The following MAEA variants were observed in gnomAD, a reference collection of about 807,000 sequenced individuals.
MAEA encodes the protein E3 ubiquitin-protein transferase MAEA.
A neutral mutation model predicts 46.2 loss-of-function variants in MAEA; 22 were observed. That is an observed-to-expected ratio of 0.48 (90% confidence interval 0.34 to 0.68). MAEA has a LOEUF of 0.68. Ranked by LOEUF, MAEA falls within the 30% of genes least tolerant of loss-of-function variation. The pLI is 0.01. For synonymous variants in MAEA, 246 were observed against 222.6 expected (o/e 1.11, Z -0.94); for missense variants, 393 against 558.1 (o/e 0.70, Z 2.98).
At position 1,320,420 on chromosome 4, in the gene MAEA, G is replaced by T. The variant is rs1247957289; in HGVS notation, c.457-1961G>T. 6.1e-5 allele frequency among the ~76,000 whole-genome samples: 9 copies of T among 148,128 alleles called. No individual in the cohort carries two copies. The East Asian group carries it at 1.8e-3, about 30-fold the overall frequency. On this transcript the variant is annotated intron_variant, in intron 3 of 8. Coordinates refer to ENST00000303400, the MANE Select transcript of MAEA (RefSeq NM_001017405.3). ...CAACATGCAGGAAAACGCTGTGAAG[G>T]GGCTTTAGAAAGAAATTATCAAAGC... is the stretch of plus-strand genomic sequence containing the variant.
At chr4:1,318,734 G>C (rs1372297910) in intron 3 of MAEA, among the ~76,000 whole-genome samples, 1 of 152,164 alleles carries the variant, frequency 6.6e-6, no homozygotes, top group Non-Finnish European at 1.5e-5. Context: ...CGGCTGCGCT[G>C]GTCAGACCTG....
intron 5 of MAEA, among the ~76,000 whole-genome samples, chr4:1,328,344 C>G (rs776021639): frequency 6.6e-6 from 1 of 152,220 alleles, no homozygotes; most frequent in Non-Finnish European, 1.5e-5. Flanking sequence ...GCTGGCTCCC[C>G]AGAGTGGGCA....
rs1388802407 is a variant in MAEA, at chr4:1,339,311, T to C, written c.*142T>C. 6.4e-6 allele frequency: 4 copies of C among 628,358 alleles called. No homozygotes were observed. Among genetic ancestry groups the C allele is most frequent in the African/African-American group, 5.5e-5 (3 of 54,368 alleles). The allele number at this position is 628,358 out of a possible 1,614,324, so 38.9% of individuals were successfully genotyped here. ...ATCCGTGAGCAACGATAAATACTCT[T>C]AGGAAGAGAGAAAATAAGGTTTCAT... On this transcript the variant is annotated 3_prime_UTR_variant, in exon 9 of 9. Transcript: ENST00000303400.
intron 1 of MAEA, chr4:1,309,910 A>G (rs1736271940): frequency 2.3e-6 from 3 of 1,287,060 alleles, no homozygotes; most frequent in Non-Finnish European, 2.0e-6. Context: ...AAGTCCAGAA[A>G]GGCCCCGTTC....
chr4:1,321,587 C>G (rs1296679138), intron 3 of MAEA, among the ~76,000 whole-genome samples: 1 of 152,172 alleles, frequency 6.6e-6, no homozygotes, highest in African/African-American at 2.4e-5. Context: ...GCTGTGGGAC[C>G]CAAGTGGTGA....
chr4:1,320,257 A>T (rs778612649), intron 3 of MAEA, among the ~76,000 whole-genome samples: 2 of 151,366 alleles, frequency 1.3e-5, no homozygotes, highest in Non-Finnish European at 2.9e-5. Context: ...GCAAACGTGC[A>T]AGAAAACTCT....
Position 1,338,593 on chromosome 4 carries a change from C to T in MAEA, c.1071C>T (p.Pro357=). The T allele has an allele frequency of 6.2e-7, 1 of 1,611,934 alleles. No homozygotes were observed. The highest frequency in any genetic ancestry group is 8.5e-7 in the Non-Finnish European group (1 of 1,179,454). The part of the protein sequence containing the change: ...MNENNPPMML[P]NGYVYGYNSL... ...AGAACAATCCGCCCATGATGCTGCC[C>T]AACGGCTACGTCTACGGCTACAATG... Residue 357 remains proline (P), a synonymous_variant, in exon 8 of 9, where the codon CCC becomes CCT. Coordinates refer to ENST00000303400, the MANE Select transcript of MAEA (RefSeq NM_001017405.3).
intron 5 of MAEA, chr4:1,328,561 A>G: frequency 8.8e-7 from 1 of 1,135,154 alleles, no homozygotes; most frequent in Non-Finnish European, 1.1e-6. Context: ...AGTGCCCAGC[A>G]GGTGTGTTTG....
intron 7 of MAEA, chr4:1,337,843 C>T (rs1387799952): frequency 1.1e-5 from 2 of 173,936 alleles, no homozygotes; most frequent in African/African-American, 4.8e-5. Flanking sequence ...TCTGTCCCCA[C>T]CTGTGACTGA....
intron 1 of MAEA, among the ~76,000 whole-genome samples, chr4:1,310,489 G>A (rs17164623): frequency 0.13 from 19,391 of 152,244 alleles, 2,505 homozygotes; most frequent in East Asian, 0.61. Context: ...GCCTGGCTTC[G>A]AGTCCGTCTC....
At chr4:1,337,784 C>T in intron 7 of MAEA, 1 of 175,224 alleles carries the variant, frequency 5.7e-6, no homozygotes, top group South Asian at 9.0e-5. Flanking sequence ...CAGCCTCTTA[C>T]TGACTCTACC....
In MAEA at chr4:1,305,051, G is replaced by A. The variant is rs569434021; in HGVS notation, c.70-6928G>A. The stretch of plus-strand genomic sequence containing the variant: ...TTCCATAGCCATCCAGATTTATGAT[G>A]ATTATTAATACCGTGGACTTCTCTT... On this transcript the variant is annotated intron_variant, in intron 1 of 8. Transcript: ENST00000303400. Among the ~76,000 whole-genome samples the A allele has an allele frequency of 4.6e-5, 7 of 152,206 alleles. No homozygotes were observed. In the East Asian group the frequency reaches 1.4e-3, roughly 29 times the overall value.
intron 1 of MAEA, among the ~76,000 whole-genome samples, chr4:1,293,383 C>T (rs147893865): frequency 0.15 from 23,363 of 151,852 alleles, 3,451 homozygotes; most frequent in East Asian, 0.42. Flanking sequence ...AGAGTGAGAC[C>T]CTGTCTCAAA....
chr4:1,316,495 C>G (rs987705306), intron 3 of MAEA, among the ~76,000 whole-genome samples: 3 of 152,156 alleles, frequency 2.0e-5, no homozygotes, highest in Non-Finnish European at 2.9e-5. Flanking sequence ...TCAGGCAGGA[C>G]TTGTGCGAGA....
intron 1 of MAEA, among the ~76,000 whole-genome samples, chr4:1,307,456 C>T (rs1257307590): frequency 6.6e-6 from 1 of 152,234 alleles, no homozygotes. Flanking sequence ...ATAATGTCTT[C>T]AAGGTTCACC....
intron 5 of MAEA, chr4:1,332,446 G>A (rs544145429): frequency 1.2e-4 from 28 of 241,360 alleles, no homozygotes; most frequent in Non-Finnish European, 1.9e-4. Flanking sequence ...CGGGTGCAGC[G>A]GCTCATGCCT....
chr4:1,317,959 C>T (rs1737513535), intron 3 of MAEA, among the ~76,000 whole-genome samples: 1 of 152,208 alleles, frequency 6.6e-6, no homozygotes, highest in Admixed American at 6.5e-5. Context: ...CCATCTGGTG[C>T]CATTTTTCCT....
At chr4:1,294,885 G>A (rs554365754) in intron 1 of MAEA, among the ~76,000 whole-genome samples, 3 of 152,164 alleles carry the variant, frequency 2.0e-5, no homozygotes, top group Admixed American at 6.5e-5. Context: ...GCTGGTTGGC[G>A]GAGCTAAGTT....
chr4:1,336,839 C>T (rs761218213), intron 6 of MAEA, 22 bp from the exon 7 acceptor site: 5 of 1,609,934 alleles, frequency 3.1e-6, no homozygotes, highest in Admixed American at 1.7e-5. Flanking sequence ...ATCCCCAGGA[C>T]CCTCTGCTCT....
Sources: gnomAD v4.1 joint callset for allele counts (sites outside exome capture counted in the v4.1 genomes callset) on GRCh38, gnomAD v4.1.1 for gene constraint, MANE v1.5 for transcripts, NCBI Gene and HGNC (gene_info 2026-07-23, HGNC 2026-07-21) for gene names.